Variants in CDH12 observed in about 807,000 individuals in gnomAD.
CDH12 encodes cadherin 12.
Under a neutral mutation model 74.1 loss-of-function variants are expected in CDH12, and 41 were observed. That is an observed-to-expected ratio of 0.55 (90% CI 0.43 to 0.72). The LOEUF (loss-of-function observed/expected upper bound fraction) is 0.72. Ranked by LOEUF, CDH12 falls within the 30% of genes least tolerant of loss-of-function variation. The pLI is 0.00. For synonymous variants in CDH12, 399 were observed against 355.0 expected (o/e 1.12, Z -1.39); for missense variants, 945 against 977.2 (o/e 0.97, Z 0.44).
intron 1 of CDH12, among the ~76,000 whole-genome samples, chr5:22,525,246 T>C (rs1046032796): frequency 1.6e-4 from 25 of 152,162 alleles, no homozygotes; most frequent in Admixed American, 1.5e-3. Flanking sequence ...TCTTTGCTAT[T>C]GTGAATAGTG....
At chr5:22,233,615 T>C (rs1208869983) in intron 3 of CDH12, among the ~76,000 whole-genome samples, 1 of 152,204 alleles carries the variant, frequency 6.6e-6, no homozygotes, top group East Asian at 1.9e-4. Flanking sequence ...AAATGTCATT[T>C]CTTCAGAGTC....
chr5:22,463,592 G>A (rs561963869), intron 2 of CDH12, among the ~76,000 whole-genome samples: 3 of 152,108 alleles, frequency 2.0e-5, no homozygotes, highest in East Asian at 3.9e-4. Flanking sequence ...ATTAAATGAG[G>A]TATAAAGTTG....
intron 2 of CDH12, among the ~76,000 whole-genome samples, chr5:22,457,737 C>T (rs916441344): frequency 1.3e-5 from 2 of 150,600 alleles, no homozygotes; most frequent in South Asian, 4.2e-4. Context: ...TGCTAACATG[C>T]CCAACTAATT....
intron 1 of CDH12, among the ~76,000 whole-genome samples, chr5:22,749,825 G>A (rs1051570532): frequency 4.6e-5 from 7 of 152,136 alleles, no homozygotes; most frequent in Admixed American, 1.3e-4. Context: ...ACCTGCATGC[G>A]TCCTACTGTA....
intron 2 of CDH12, among the ~76,000 whole-genome samples, chr5:22,427,810 C>T (rs537651021): frequency 2.6e-5 from 4 of 152,060 alleles, no homozygotes; most frequent in African/African-American, 4.8e-5. Flanking sequence ...TCTATTTTAT[C>T]GAAGGTTCCC....
At chr5:21,954,079 C>A (rs937532333) in intron 6 of CDH12, among the ~76,000 whole-genome samples, 1 of 151,950 alleles carries the variant, frequency 6.6e-6, no homozygotes, top group African/African-American at 2.4e-5. Context: ...TTCAATAGCA[C>A]ATGATTTAAT....
intron 1 of CDH12, among the ~76,000 whole-genome samples, chr5:22,594,424 C>A (rs563753390): frequency 6.6e-6 from 1 of 152,240 alleles, no homozygotes; most frequent in African/African-American, 2.4e-5. Flanking sequence ...GTACTCATCT[C>A]CATCCAGGTG....
At chr5:21,869,875 A>G (rs150513254) in intron 6 of CDH12, among the ~76,000 whole-genome samples, 229 of 152,264 alleles carry the variant, frequency 1.5e-3, no homozygotes, top group Non-Finnish European at 2.6e-3. Flanking sequence ...AGGAATACCT[A>G]GTGGTATGGT....
chr5:22,360,560 T>A (rs1222396970), intron 3 of CDH12, among the ~76,000 whole-genome samples: 1 of 152,070 alleles, frequency 6.6e-6, no homozygotes, highest in East Asian at 1.9e-4. Context: ...AAAGAGGAAA[T>A]CCTCCCTAAC....
chr5:22,732,125 A>G (rs1039124229), intron 1 of CDH12, among the ~76,000 whole-genome samples: 4 of 151,768 alleles, frequency 2.6e-5, no homozygotes, highest in African/African-American at 9.7e-5. Context: ...AATTCTGGAG[A>G]CTAGAAGTCT....
chr5:21,938,734 A>G (rs1397461946), intron 6 of CDH12, among the ~76,000 whole-genome samples: 1 of 137,574 alleles, frequency 7.3e-6, no homozygotes, highest in East Asian at 2.0e-4. Context: ...ATATATATAT[A>G]TATATATATA....
chr5:22,144,917 G>A (rs1747058682), intron 4 of CDH12, among the ~76,000 whole-genome samples: 1 of 152,052 alleles, frequency 6.6e-6, no homozygotes, highest in African/African-American at 2.4e-5. Context: ...ATTCTGTAGA[G>A]TCAAATCAGA....
At chr5:22,126,468 C>A (rs1428096650) in intron 4 of CDH12, among the ~76,000 whole-genome samples, 1 of 152,088 alleles carries the variant, frequency 6.6e-6, no homozygotes, top group Non-Finnish European at 1.5e-5. Context: ...TCATGAAAGG[C>A]CCTGGTGTAC....
chr5:21,812,365 A>T (rs759559166), intron 9 of CDH12, among the ~76,000 whole-genome samples: 5 of 152,140 alleles, frequency 3.3e-5, no homozygotes, highest in Non-Finnish European at 5.9e-5. Context: ...GTATTGCAAT[A>T]TTGAAGGGAA....
chr5:22,526,668 C>A (rs535410142), intron 1 of CDH12, among the ~76,000 whole-genome samples: 2 of 152,262 alleles, frequency 1.3e-5, no homozygotes, highest in East Asian at 3.9e-4. Context: ...TCAGCACTGG[C>A]CAAACAGATG....
chr5:22,051,233 T>G (rs1740340196), intron 5 of CDH12, among the ~76,000 whole-genome samples: 1 of 152,068 alleles, frequency 6.6e-6, no homozygotes, highest in Non-Finnish European at 1.5e-5. Context: ...TTATTTAAAC[T>G]CTCCAACTCT....
chr5:21,751,628 G>C lies in CDH12; in HGVS notation c.*109C>G, dbSNP rs112875979. The C allele has an allele frequency of 1.5e-6, 1 of 684,654 alleles. No individual in the cohort carries two copies. Among genetic ancestry groups the C allele is most frequent in the East Asian group, 3.1e-5 (1 of 32,462 alleles). 42.4% of individuals were successfully genotyped at this position (684,654 alleles called of 1,614,324 possible). On this transcript the variant is annotated 3_prime_UTR_variant, in exon 15 of 15. Coordinates refer to ENST00000382254, the MANE Select transcript of CDH12 (RefSeq NM_004061.5). Reference sequence around the variant, plus strand: ...TCCCAGAGTGTGTGTGTGTGTGTGTGTGTTTGTGTGTGTGTGTGTGTGTGA... The same window carrying C: ...TCCCAGAGTGTGTGTGTGTGTGTGTCTGTTTGTGTGTGTGTGTGTGTGTGA...
chr5:22,769,337 T>C (rs1746688644), intron 1 of CDH12, among the ~76,000 whole-genome samples: 1 of 152,094 alleles, frequency 6.6e-6, no homozygotes. Flanking sequence ...GTTTTTATCT[T>C]TCTCCGTCCT....
At chr5:22,753,322 A>C (rs558432462) in intron 1 of CDH12, among the ~76,000 whole-genome samples, 2 of 151,614 alleles carry the variant, frequency 1.3e-5, no homozygotes, top group South Asian at 4.2e-4. Flanking sequence ...CTGTAGTCCC[A>C]GCTACTCGGG....
Sources: gnomAD v4.1 joint callset for allele counts (sites outside exome capture counted in the v4.1 genomes callset) on GRCh38, gnomAD v4.1.1 for gene constraint, MANE v1.5 for transcripts, NCBI Gene and HGNC (gene_info 2026-07-23, HGNC 2026-07-21) for gene names.